PTPDC1: variants seen among roughly 807,000 people sequenced by gnomAD.
PTPDC1 encodes protein tyrosine phosphatase domain-containing protein 1.
PTPDC1 carries 53 observed loss-of-function variants against 75.3 expected under a neutral mutation model. The observed-to-expected ratio is 0.70, with a 90% CI of 0.56 to 0.88. The LOEUF is 0.88. Ranked by LOEUF, PTPDC1 falls within the 40% of genes least tolerant of loss-of-function variation. PTPDC1 has a pLI of 0.00. For synonymous variants in PTPDC1, 349 were observed against 366.2 expected, an observed-to-expected ratio of 0.95 and a Z score of 0.54; for missense variants, 925 against 998.6, an observed-to-expected ratio of 0.93 and a Z score of 0.99.
At chr9:94,090,525 C>A (rs1342345230) in intron 4 of PTPDC1, among the ~76,000 whole-genome samples, 10 of 111,978 alleles carry the variant, frequency 8.9e-5, no homozygotes, top group African/African-American at 3.8e-4. Context: ...ATGCCTCCAG[C>A]TTTGTTCTTT....
Position 94,109,161 on chromosome 9 carries a change from A to T in PTPDC1, c.*1217A>T, listed in dbSNP as rs532453859. On this transcript the variant is annotated 3_prime_UTR_variant, in exon 9 of 9. Transcript: ENST00000620992. ...CTTGTAAGCTGAACCATCAATTATC[A>T]GTTGAAGCCATACTTTTATTTAAAT... 2.9e-4 allele frequency: 44 copies of T among 152,370 alleles called. 1 individual carries two copies. Among genetic ancestry groups the T allele is most frequent in the African/African-American group, 1.0e-3 (43 of 41,596 alleles). The allele number at this position is 152,370 out of a possible 1,614,324, so 9.4% of individuals were successfully genotyped here. A position where few individuals can be genotyped will look rare whatever the true frequency, so the allele number is the denominator to read the frequency against.
At position 94,087,290 on chromosome 9, in the gene PTPDC1, A is replaced by C. The variant is rs572698625; in HGVS notation, c.417-541A>C. Among the ~76,000 whole-genome samples, 10 of 152,336 alleles carry C rather than the reference A, an allele frequency of 6.6e-5. No individual in the cohort carries two copies. In the East Asian group the frequency reaches 1.9e-3, roughly 29 times the overall value. On this transcript the variant is annotated intron_variant, in intron 2 of 8. Coordinates refer to ENST00000620992, the MANE Select transcript of PTPDC1 (RefSeq NM_001253829.2). ...TTAGAGCTCTAATCATCCAAAATTG[A>C]AGCCAGATTTGTATAAGAATATTCT...
At chr9:94,048,791 T>C (rs1232000945) in intron 1 of PTPDC1, among the ~76,000 whole-genome samples, 2 of 152,168 alleles carry the variant, frequency 1.3e-5, no homozygotes, top group Admixed American at 6.5e-5. Flanking sequence ...ATCTGTCTAA[T>C]GGGGATAGTG....
In PTPDC1 at chr9:94,094,611, C is replaced by A. The variant is rs10993050; in HGVS notation, c.617-706C>A. 2.6e-5 allele frequency among the ~76,000 whole-genome samples: 4 copies of A among 152,190 alleles called. No individual in the cohort carries two copies. The South Asian group carries it at 8.3e-4, about 32-fold the overall frequency. On this transcript the variant is annotated intron_variant, in intron 4 of 8. Coordinates refer to ENST00000620992, the MANE Select transcript of PTPDC1 (RefSeq NM_001253829.2). Reference sequence around the variant, plus strand: ...GAGCTGTGGTGGGCTCCACCCAGTTCGAGCTTCCCGGCTGCTTTGTTTACC... The same window carrying A: ...GAGCTGTGGTGGGCTCCACCCAGTTAGAGCTTCCCGGCTGCTTTGTTTACC...
intron 2 of PTPDC1, among the ~76,000 whole-genome samples, chr9:94,076,960 A>G (rs1480926558): frequency 6.6e-6 from 1 of 152,126 alleles, no homozygotes; most frequent in Non-Finnish European, 1.5e-5. Context: ...TCATGTATTT[A>G]TTGAAACTTT....
In PTPDC1 at chr9:94,098,228, TG is replaced by T; in HGVS notation, c.1666del (p.Glu556SerfsTer83). ...CAGATGTTTCAGGCTCACACAGCCC[TG>T]GGGAGCCAGTTTCACCCAGCTTTGC... ...SADVSGSHSP[G>X]EPVSPSFANV... is the part of the protein sequence containing the mutation. On this transcript the variant is annotated frameshift_variant, in exon 6 of 9. Coordinates refer to ENST00000620992, the MANE Select transcript of PTPDC1 (RefSeq NM_001253829.2). LOFTEE classifies it high-confidence loss of function. 1 of 1,614,192 alleles carries T rather than the reference TG, an allele frequency of 6.2e-7. No individual in the cohort carries two copies. Among genetic ancestry groups the T allele is most frequent in the East Asian group, 2.2e-5 (1 of 44,880 alleles).
At chr9:94,036,031 T>TG in intron 1 of PTPDC1, among the ~76,000 whole-genome samples, 1 of 145,266 alleles carries the variant, frequency 6.9e-6, no homozygotes, top group African/African-American at 2.6e-5. Flanking sequence ...TTGTTTTTTT[T>TG]TTTGTTTTTT....
intron 7 of PTPDC1, 117 bp from the exon 8 acceptor site, chr9:94,104,158 C>A: frequency 1.8e-6 from 1 of 562,998 alleles, no homozygotes; most frequent in Non-Finnish European, 3.2e-6. Context: ...GATATTTTGG[C>A]ATTTGACATT....
chr9:94,081,411 T>C (rs1826878465), upstream of PTPDC1, among the ~76,000 whole-genome samples: 1 of 152,162 alleles, frequency 6.6e-6, no homozygotes, highest in African/African-American at 2.4e-5. Flanking sequence ...ACCTGTCATA[T>C]TGGCTACCAG....
intron 2 of PTPDC1, among the ~76,000 whole-genome samples, chr9:94,086,633 G>C (rs1230565382): frequency 6.6e-6 from 1 of 152,166 alleles, no homozygotes; most frequent in Non-Finnish European, 1.5e-5. Flanking sequence ...TGAAGCCAGA[G>C]CCCAGAGGCC....
intron 4 of PTPDC1, among the ~76,000 whole-genome samples, chr9:94,093,248 C>A (rs1472209711): frequency 6.6e-6 from 1 of 150,592 alleles, no homozygotes; most frequent in Non-Finnish European, 1.5e-5. Context: ...ATGTTTAGTG[C>A]TTCCTTCAGG....
intron 6 of PTPDC1, chr9:94,100,583 T>G (rs1268443236): frequency 6.6e-6 from 1 of 152,234 alleles, no homozygotes; most frequent in East Asian, 1.9e-4. Context: ...TTCTAGCTTT[T>G]GGCTCCTAGG....
intron 1 of PTPDC1, among the ~76,000 whole-genome samples, chr9:94,047,400 T>A (rs1825639760): frequency 6.6e-6 from 1 of 152,150 alleles, no homozygotes; most frequent in Non-Finnish European, 1.5e-5. Context: ...CCAGAATCTC[T>A]GGGACACATT....
At chr9:94,046,426 T>A (rs1825601038) in intron 1 of PTPDC1, among the ~76,000 whole-genome samples, 1 of 152,198 alleles carries the variant, frequency 6.6e-6, no homozygotes, top group African/African-American at 2.4e-5. Context: ...ATCTATAAAT[T>A]ACCTTGGGCA....
At chr9:94,068,538 GATCAC>G (rs1439814177) in intron 2 of PTPDC1, among the ~76,000 whole-genome samples, 1 of 152,084 alleles carries the variant, frequency 6.6e-6, no homozygotes, top group Non-Finnish European at 1.5e-5. Context: ...TGTTTAGTTT[GATCAC>G]ATCAGTAAAG....
At chr9:94,049,036 A>AT (rs35970215) in intron 1 of PTPDC1, among the ~76,000 whole-genome samples, 46,412 of 151,240 alleles carry the variant, frequency 0.31, 7,332 homozygotes, top group Admixed American at 0.39. Context: ...ACCCCTGCTT[A>AT]TTTTTTTTGT....
In PTPDC1 at chr9:94,104,487, A is replaced by T; in HGVS notation, c.2310+102A>T. The T allele has an allele frequency of 4.4e-6, 3 of 683,736 alleles. No homozygotes were observed. The South Asian group carries it at 5.9e-5, about 13-fold the overall frequency. 42.4% of individuals were successfully genotyped at this position (683,736 alleles called of 1,614,324 possible). A position where few individuals can be genotyped will look rare whatever the true frequency, so the allele number is the denominator to read the frequency against. ...CGTCCTCCTCTAAAATAAAACATGT[A>T]TGTGTATGTTTTCCCTTCATGGAAA... is the stretch of plus-strand genomic sequence containing the variant. On this transcript the variant is annotated intron_variant, in intron 8 of 8. Transcript: ENST00000620992.
intron 1 of PTPDC1, among the ~76,000 whole-genome samples, chr9:94,043,991 ATC>A (rs1825511436): frequency 6.6e-6 from 1 of 152,098 alleles, no homozygotes; most frequent in African/African-American, 2.4e-5. Flanking sequence ...TCTATTTCCA[ATC>A]TCTCTATTCT....
chr9:94,038,259 C>T (rs1302838566), intron 1 of PTPDC1: 7 of 903,678 alleles, frequency 7.7e-6, no homozygotes, highest in Non-Finnish European at 1.3e-5. Flanking sequence ...AAGTACATCC[C>T]TGGAACAAAA....
Sources: gnomAD v4.1 joint callset for allele counts (sites outside exome capture counted in the v4.1 genomes callset) on GRCh38, gnomAD v4.1.1 for gene constraint, MANE v1.5 for transcripts, NCBI Gene and HGNC (gene_info 2026-07-23, HGNC 2026-07-21) for gene names.